The following BTBD9 variants were observed in gnomAD, a reference collection of about 807,000 sequenced individuals.
BTBD9 encodes the protein BTB domain containing 9, also known as BTB/POZ domain-containing protein 9.
In BTBD9, 49 loss-of-function variants were observed where a neutral mutation model predicts 64.3. That is an observed-to-expected ratio of 0.76 (90% confidence interval 0.61 to 0.97). BTBD9 has a LOEUF of 0.97. Ranked by LOEUF, BTBD9 falls within the 50% of genes least tolerant of loss-of-function variation. BTBD9 has a pLI of 0.00. For missense variants in BTBD9, 598 were observed against 762.1 expected (o/e 0.78, Z 2.53); for synonymous variants, 260 against 274.7 (o/e 0.95, Z 0.53).
chr6:38,176,584 C>T (rs1368926994), intron 10 of BTBD9, among the ~76,000 whole-genome samples: 2 of 152,176 alleles, frequency 1.3e-5, no homozygotes, highest in Non-Finnish European at 2.9e-5. Context: ...TTCTTTCCTT[C>T]CTTCCTTTTT....
At chr6:38,378,678 G>A (rs116805618) in intron 6 of BTBD9, among the ~76,000 whole-genome samples, 60 of 151,356 alleles carry the variant, frequency 4.0e-4, no homozygotes, top group Admixed American at 1.5e-3. Context: ...GTTCTAGATC[G>A]GCCTGACCAA....
intron 6 of BTBD9, among the ~76,000 whole-genome samples, chr6:38,430,952 G>A (rs1582418066): frequency 6.6e-6 from 1 of 151,952 alleles, no homozygotes; most frequent in East Asian, 1.9e-4. Flanking sequence ...GTCTTTTAAT[G>A]CTTTCTATAC....
intron 8 of BTBD9, among the ~76,000 whole-genome samples, chr6:38,277,263 A>G (rs1350620623): frequency 6.6e-6 from 1 of 152,186 alleles, no homozygotes; most frequent in East Asian, 1.9e-4. Context: ...GAAACCAAAC[A>G]TATATAATCA....
intron 3 of BTBD9, 99 bp downstream of exon 3, chr6:38,593,865 G>T: frequency 8.9e-7 from 1 of 1,128,548 alleles, no homozygotes; most frequent in Non-Finnish European, 1.3e-6. Context: ...TGATACCAAT[G>T]ATTTTTTTTA....
chr6:38,257,251 T>C (rs1388789665), intron 8 of BTBD9, among the ~76,000 whole-genome samples: 3 of 151,544 alleles, frequency 2.0e-5, no homozygotes, highest in African/African-American at 7.3e-5. Context: ...CTGCCCAGAC[T>C]GGACTGCAGG....
intron 6 of BTBD9, among the ~76,000 whole-genome samples, chr6:38,565,664 C>T (rs1205480786): frequency 6.6e-6 from 1 of 152,112 alleles, no homozygotes; most frequent in Non-Finnish European, 1.5e-5. Context: ...AATGATAATG[C>T]CCATTGTTGA....
chr6:38,551,933 A>G (rs1774817945), intron 6 of BTBD9, among the ~76,000 whole-genome samples: 2 of 152,222 alleles, frequency 1.3e-5, no homozygotes, highest in South Asian at 4.1e-4. Flanking sequence ...GATTTTATAA[A>G]CACCCAGAAT....
At chr6:38,277,613 C>T (rs192534819) in intron 8 of BTBD9, among the ~76,000 whole-genome samples, 67 of 152,228 alleles carry the variant, frequency 4.4e-4, no homozygotes, top group African/African-American at 1.1e-3. Flanking sequence ...GGATTACAGG[C>T]GTGAGCCACC....
At chr6:38,461,615 C>T (rs1770090283) in intron 6 of BTBD9, among the ~76,000 whole-genome samples, 1 of 152,170 alleles carries the variant, frequency 6.6e-6, no homozygotes. Flanking sequence ...AATGAAGCTG[C>T]TGTGAACATT....
chr6:38,181,962 G>A (rs959161655), intron 10 of BTBD9, among the ~76,000 whole-genome samples: 4 of 151,892 alleles, frequency 2.6e-5, no homozygotes, highest in African/African-American at 9.7e-5. Flanking sequence ...CACTCCAGCC[G>A]GGAGACAGAG....
chr6:38,539,352 T>C (rs989032090), intron 6 of BTBD9, among the ~76,000 whole-genome samples: 7 of 152,230 alleles, frequency 4.6e-5, no homozygotes, highest in African/African-American at 1.7e-4. Context: ...TTAAGTATAT[T>C]TATTCCTCTA....
At chr6:38,462,076 C>T (rs1034915269) in intron 6 of BTBD9, among the ~76,000 whole-genome samples, 1 of 152,084 alleles carries the variant, frequency 6.6e-6, no homozygotes, top group Non-Finnish European at 1.5e-5. Flanking sequence ...ATTAGATATA[C>T]GATTGCAAAT....
chr6:38,270,347 C>A (rs1765158035), intron 8 of BTBD9, among the ~76,000 whole-genome samples: 1 of 151,826 alleles, frequency 6.6e-6, no homozygotes, highest in Admixed American at 6.6e-5. Context: ...CCCCCCACTA[C>A]CCCTCTGCAT....
intron 8 of BTBD9, among the ~76,000 whole-genome samples, chr6:38,261,529 A>C (rs1002675209): frequency 1.3e-5 from 2 of 152,190 alleles, no homozygotes; most frequent in African/African-American, 4.8e-5. Context: ...TGCAATTTTT[A>C]ACTTATTGAG....
At chr6:38,504,564 T>A (rs949832648) in intron 6 of BTBD9, 10 of 456,802 alleles carry the variant, frequency 2.2e-5, no homozygotes, top group Middle Eastern at 3.3e-4. Context: ...TCTCATAAAC[T>A]GCGGGTGAAA....
intron 1 of BTBD9, among the ~76,000 whole-genome samples, chr6:38,633,994 C>T (rs1309582200): frequency 1.3e-5 from 2 of 152,118 alleles, no homozygotes; most frequent in African/African-American, 4.8e-5. Context: ...CCAAGTAAAA[C>T]CAGAATTAGG....
intron 2 of BTBD9, among the ~76,000 whole-genome samples, chr6:38,595,062 CA>C: frequency 1.3e-5 from 2 of 152,254 alleles, no homozygotes; most frequent in East Asian, 3.9e-4. Flanking sequence ...CAAGGGAGAT[CA>C]ACAGGTACTG....
intron 6 of BTBD9, among the ~76,000 whole-genome samples, chr6:38,450,556 GA>G (rs1242979591): frequency 6.6e-6 from 1 of 151,610 alleles, no homozygotes; most frequent in Non-Finnish European, 1.5e-5. Context: ...TAAAAAGAAA[GA>G]AAAAAAAGAA....
At chr6:38,273,086 G>A (rs1236915065) in intron 8 of BTBD9, among the ~76,000 whole-genome samples, 1 of 152,214 alleles carries the variant, frequency 6.6e-6, no homozygotes, top group Non-Finnish European at 1.5e-5. Context: ...TGCAAAGGGT[G>A]TATAGGACAT....
Sources: gnomAD v4.1 joint callset for allele counts (sites outside exome capture counted in the v4.1 genomes callset) on GRCh38, gnomAD v4.1.1 for gene constraint, MANE v1.5 for transcripts, NCBI Gene and HGNC (gene_info 2026-07-23, HGNC 2026-07-21) for gene names.